P3H2: variants seen among roughly 807,000 people sequenced by gnomAD.
P3H2 encodes the protein prolyl 3-hydroxylase 2.
Under a neutral mutation model 87.0 loss-of-function variants are expected in P3H2, and 80 were observed. The ratio of observed to expected loss-of-function variants is 0.92; its 90% confidence interval spans 0.77 to 1.11. P3H2 has a LOEUF of 1.11. P3H2 is among the 50% of genes least tolerant of loss of function. P3H2 has a pLI of 0.00. For missense variants in P3H2, 1,001 were observed against 923.9 expected, an observed-to-expected ratio of 1.08 and a Z score of -1.08; for synonymous variants, 367 against 359.3, an observed-to-expected ratio of 1.02 and a Z score of -0.24.
intron 6 of P3H2, among the ~76,000 whole-genome samples, chr3:189,985,054 C>A (rs563765069): frequency 2.7e-5 from 4 of 150,942 alleles, no homozygotes; most frequent in African/African-American, 7.3e-5. Flanking sequence ...AAGTAAGGCC[C>A]GATATAAATA....
chr3:190,019,567 T>C (rs1396324442), intron 1 of P3H2, among the ~76,000 whole-genome samples: 1 of 78,174 alleles, frequency 1.3e-5, no homozygotes. Flanking sequence ...TCATTATCGT[T>C]TCTATTACCA....
Position 189,987,695 on chromosome 3 carries a change from T to TA in P3H2, c.956-27dup, listed in dbSNP as rs534911936. On this transcript the variant is annotated intron_variant, in intron 4 of 14. Coordinates refer to ENST00000319332, the MANE Select transcript of P3H2 (RefSeq NM_018192.4). ...CTGAAAGACAAAGGAGTTGCAGCATTAGAGTCAGCCTAGGTCTGTCCAAAG... is the reference window on the plus strand; with the variant it reads ...CTGAAAGACAAAGGAGTTGCAGCATTAAGAGTCAGCCTAGGTCTGTCCAAAG... 22 of 1,613,836 alleles carry TA rather than the reference T, an allele frequency of 1.4e-5. No individual in the cohort carries two copies. In the East Asian group the frequency reaches 3.8e-4, roughly 28 times the overall value.
intron 1 of P3H2, among the ~76,000 whole-genome samples, chr3:190,023,510 T>C (rs1382718455): frequency 6.6e-6 from 1 of 152,024 alleles, no homozygotes; most frequent in African/African-American, 2.4e-5. Context: ...GTGAAGCGGG[T>C]AGAGCCCCTT....
At chr3:190,056,264 C>T (rs1726151237) in intron 1 of P3H2, among the ~76,000 whole-genome samples, 1 of 152,164 alleles carries the variant, frequency 6.6e-6, no homozygotes, top group South Asian at 2.1e-4. Context: ...TTGTTCAAGT[C>T]ATCCAGACTG....
intron 1 of P3H2, among the ~76,000 whole-genome samples, chr3:190,012,859 T>A (rs1724637614): frequency 6.6e-6 from 1 of 152,180 alleles, no homozygotes; most frequent in South Asian, 2.1e-4. Flanking sequence ...ATTTTGTAAG[T>A]CAAAATAAAA....
intron 1 of P3H2, among the ~76,000 whole-genome samples, chr3:189,998,250 C>T (rs193109459): frequency 1.3e-5 from 2 of 152,290 alleles, no homozygotes; most frequent in East Asian, 3.9e-4. Context: ...AGTCTACAAG[C>T]TATGAGTACA....
At chr3:190,075,492 A>AT (rs1417803580) in intron 1 of P3H2, among the ~76,000 whole-genome samples, 1 of 151,868 alleles carries the variant, frequency 6.6e-6, no homozygotes, top group Non-Finnish European at 1.5e-5. Context: ...TCTCAAAAAA[A>AT]AAAAAGAAAA....
At chr3:190,095,842 TTCGC>T (rs1727566336) in intron 1 of P3H2, among the ~76,000 whole-genome samples, 1 of 152,094 alleles carries the variant, frequency 6.6e-6, no homozygotes, top group Non-Finnish European at 1.5e-5. Flanking sequence ...GACCTCGTGA[TTCGC>T]CCACCTCGGC....
chr3:190,109,549 T>A (rs1028533837), intron 1 of P3H2, among the ~76,000 whole-genome samples: 4 of 152,194 alleles, frequency 2.6e-5, no homozygotes, highest in Non-Finnish European at 5.9e-5. Flanking sequence ...GATGTGTTAG[T>A]TTGTATTGTT....
At position 189,993,177 on chromosome 3, in the gene P3H2, T is replaced by C. The variant is rs531390200; in HGVS notation, c.823+917A>G. Among the ~76,000 whole-genome samples, 187 of 151,900 alleles carry C rather than the reference T, an allele frequency of 1.2e-3. 1 individual carries two copies. Among genetic ancestry groups the C allele is most frequent in the Non-Finnish European group, 2.0e-3 (137 of 67,924 alleles). ...GTCTCCATGAAAAATACAAAATTAG[T>C]TGGGTCTGGTGGTGCATGCCTGTAA... On this transcript the variant is annotated intron_variant, in intron 3 of 14. Transcript: ENST00000319332.
At chr3:190,012,887 A>G (rs967452914) in intron 1 of P3H2, among the ~76,000 whole-genome samples, 1 of 152,170 alleles carries the variant, frequency 6.6e-6, no homozygotes, top group Non-Finnish European at 1.5e-5. Context: ...TGTATAAAAA[A>G]CAGAACTAGT....
chr3:189,971,793 T>C (rs1021293989), intron 12 of P3H2, 97 bp downstream of exon 12: 10 of 794,390 alleles, frequency 1.3e-5, no homozygotes, highest in South Asian at 1.2e-4. Context: ...CTTGGAGATA[T>C]GAACACGACG....
rs1202716732 is a variant in P3H2, at chr3:190,041,037, TACACACACACAC to T, written c.481-45607_481-45596del. On this transcript the variant is annotated intron_variant, in intron 1 of 14. Transcript: ENST00000319332. ...TGGCTCTACTATATATATATATATA[TACACACACACAC>T]ACACACACACACACACACACACACA... Among the ~76,000 whole-genome samples, 180 of 49,018 alleles carry T rather than the reference TACACACACACAC, an allele frequency of 3.7e-3. 4 individuals are homozygous for T. Among genetic ancestry groups the T allele is most frequent in the East Asian group, 4.8e-3 (4 of 830 alleles). 32.2% of individuals were successfully genotyped at this position (49,018 alleles called of 152,430 possible).
rs79330655 is a variant in P3H2 at position 190,021,350 on chromosome 3, T to G, written c.481-25908A>C. Among the ~76,000 whole-genome samples, 296 of 135,282 alleles carry G rather than the reference T, an allele frequency of 2.2e-3. 41 individuals carry two copies. Among genetic ancestry groups the G allele is most frequent in the African/African-American group, 7.3e-3 (285 of 39,296 alleles). The allele number at this position is 135,282 out of a possible 152,430, so 88.8% of individuals were successfully genotyped here. Reference sequence around the variant, plus strand: ...TTGCCTTTGTCTCTATTTTTTGTCATTTCCTTAAGATTGAAAAAGTAAAAT... The same window carrying G: ...TTGCCTTTGTCTCTATTTTTTGTCAGTTCCTTAAGATTGAAAAAGTAAAAT... On this transcript the variant is annotated intron_variant, in intron 1 of 14. Transcript: ENST00000319332.
intron 1 of P3H2, among the ~76,000 whole-genome samples, chr3:190,055,637 C>T (rs7628071): frequency 0.17 from 26,186 of 151,546 alleles, 2,546 homozygotes; most frequent in Non-Finnish European, 0.23. Context: ...TTTTACAAAA[C>T]GATCATATTC....
At chr3:189,984,051 A>T (rs951243936) in intron 7 of P3H2, among the ~76,000 whole-genome samples, 1 of 152,152 alleles carries the variant, frequency 6.6e-6, no homozygotes, top group Non-Finnish European at 1.5e-5. Context: ...CGTTGTGCAC[A>T]TGTACCCTAA....
rs766027643 is a variant in P3H2 at position 190,117,758 on chromosome 3, G to C, written c.480+2494C>G. Among the ~76,000 whole-genome samples the C allele has an allele frequency of 2.6e-5, 4 of 151,080 alleles. No homozygotes were observed. The East Asian group carries it at 5.8e-4, about 22-fold the overall frequency. On this transcript the variant is annotated intron_variant, in intron 1 of 14. Transcript: ENST00000319332. ...GGGGCTTTCTTGGGGGCTGGGGGAG[G>C]GGGGTGAAGGGGAGAGAAAAACCAT...
At chr3:190,025,886 G>A (rs1368880629) in intron 1 of P3H2, among the ~76,000 whole-genome samples, 3 of 152,022 alleles carry the variant, frequency 2.0e-5, no homozygotes, top group African/African-American at 7.2e-5. Context: ...TTTTTGAAAA[G>A]CTAATTTTAG....
At chr3:190,103,368 A>C (rs1384281047) in intron 1 of P3H2, among the ~76,000 whole-genome samples, 1 of 152,234 alleles carries the variant, frequency 6.6e-6, no homozygotes, top group African/African-American at 2.4e-5. Flanking sequence ...TATTGATCAT[A>C]AGACTATCAG....
Sources: gnomAD v4.1 joint callset for allele counts (sites outside exome capture counted in the v4.1 genomes callset) on GRCh38, gnomAD v4.1.1 for gene constraint, MANE v1.5 for transcripts, NCBI Gene and HGNC (gene_info 2026-07-23, HGNC 2026-07-21) for gene names.